The following CACNA1A variants were observed in gnomAD, a reference collection of about 807,000 sequenced individuals.
CACNA1A encodes the protein voltage-dependent P/Q-type calcium channel subunit alpha-1A.
Under a neutral mutation model 262.4 loss-of-function variants are expected in CACNA1A, and 57 were observed. The ratio of observed to expected loss-of-function variants is 0.22; its 90% confidence interval spans 0.18 to 0.27. CACNA1A has a LOEUF of 0.27. Among genes scored for constraint, CACNA1A ranks in the 10% least tolerant of loss-of-function variants. The probability of loss-of-function intolerance (pLI) is 1.00; values close to 1 mark genes in which losing one functional copy is unlikely to be tolerated. For missense variants in CACNA1A, 2,526 were observed against 3,562.8 expected (o/e 0.71, Z 7.41); for synonymous variants, 1,431 against 1,419.3 (o/e 1.01, Z -0.18).
chr19:13,316,350 C>T (rs1356772114), intron 11 of CACNA1A: 5 of 152,196 alleles, frequency 3.3e-5, no homozygotes, highest in Non-Finnish European at 7.3e-5. Context: ...CTCACCCTCA[C>T]TTGGCCCTCA....
chr19:13,326,277 T>C (rs1436991720), intron 10 of CACNA1A, among the ~76,000 whole-genome samples: 1 of 150,452 alleles, frequency 6.6e-6, no homozygotes, highest in Non-Finnish European at 1.5e-5. Flanking sequence ...ATCGCACCAC[T>C]GCACTCCCAC....
intron 29 of CACNA1A, among the ~76,000 whole-genome samples, chr19:13,254,614 G>T (rs1335500893): frequency 6.6e-6 from 1 of 151,962 alleles, no homozygotes; most frequent in African/African-American, 2.4e-5. Flanking sequence ...CGCCCGCCTC[G>T]GCCTCCCAAA....
chr19:13,207,436 A>C lies in CACNA1A; in HGVS notation c.7398T>G (p.Ser2466=). ...CGTTGGGGAGTCGCCGGCCGTGCCG[A>C]GAAGGCGAGGCGCAGGCCGGGCCCG... is the stretch of plus-strand genomic sequence containing the variant. ...RASGPACASP[S]RHGRRLPNGY... The change falls in exon 47 of 47, where the codon TCT becomes TCG. Residue 2466 remains serine, a synonymous_variant. Coordinates refer to ENST00000360228, the MANE Select transcript of CACNA1A (RefSeq NM_001127222.2). This position sits in a 1 kb window ranked among gnomAD's most constrained non-coding sequence, Gnocchi z 5.7. 1.3e-6 allele frequency: 2 copies of C among 1,519,756 alleles called. No homozygotes were observed. Among genetic ancestry groups the C allele is most frequent in the East Asian group, 5.1e-5 (2 of 39,168 alleles). The allele number at this position is 1,519,756 out of a possible 1,614,324, so 94.1% of individuals were successfully genotyped here. A position where few individuals can be genotyped will look rare whatever the true frequency, so the allele number is the denominator to read the frequency against.
At chr19:13,376,790 CAT>C (rs900115992) in intron 3 of CACNA1A, among the ~76,000 whole-genome samples, 5 of 107,106 alleles carry the variant, frequency 4.7e-5, no homozygotes, top group East Asian at 4.4e-4. Context: ...ATATATGTGA[CAT>C]ATATACACAT....
chr19:13,295,884 G>A (rs1047937166), intron 19 of CACNA1A, among the ~76,000 whole-genome samples: 1 of 152,112 alleles, frequency 6.6e-6, no homozygotes, highest in African/African-American at 2.4e-5. Context: ...TTCCTGCAAT[G>A]CAACTATTAA....
chr19:13,230,251 C>G (rs1340664483), intron 35 of CACNA1A, 42 bp from the exon 36 acceptor site: 8 of 1,609,712 alleles, frequency 5.0e-6, no homozygotes, highest in Non-Finnish European at 8.5e-7. Context: ...GGGGCAGAGA[C>G]CGAGGGAATG....
At position 13,207,340 on chromosome 19, in the gene CACNA1A, G is replaced by A; in HGVS notation, c.7494C>T (p.Tyr2498=). ...PGSRKGLHEP[Y]SESDDDWC ...AGCACCAATCATCGTCACTCTCGCT[G>A]TAGGGTTCGTGCAGGCCCTTCCTGG... Residue 2498 remains tyrosine, a synonymous_variant, in exon 47 of 47, where the codon TAC becomes TAT. Coordinates refer to ENST00000360228, the MANE Select transcript of CACNA1A (RefSeq NM_001127222.2). This position sits in a 1 kb window ranked among gnomAD's most constrained non-coding sequence, Gnocchi z 5.7. 1 of 1,561,334 alleles carries A rather than the reference G, an allele frequency of 6.4e-7. No homozygotes were observed. The highest frequency in any genetic ancestry group is 1.2e-5 in the South Asian group (1 of 86,824).
rs375415852 is a variant in CACNA1A at position 13,285,153 on chromosome 19, C to T, written c.3607G>A (p.Glu1203Lys). Residue 1203 changes from glutamate to lysine, a missense_variant, in exon 21 of 47, where the codon GAG (glutamate) becomes AAG (lysine). Physicochemically the swap from Glu to Lys is moderately conservative, Grantham distance 56. This residue lies in a region of CACNA1A where 765 missense variants were observed against 748.6 expected (regional missense o/e 1.02). Transcript: ENST00000360228. ...TCCCCACGGTCGTCTTCCTCCTCCT[C>T]CTTCTTCTCTTCCTCTTTTTTTGGC... is the stretch of plus-strand genomic sequence containing the variant. ...PLPKKEEEKKEEEEDDRGEDG... is the reference protein window; with the variant it reads ...PLPKKEEEKKKEEEDDRGEDG... The T allele has an allele frequency of 1.1e-5, 17 of 1,613,836 alleles. No homozygotes were observed. The Admixed American group carries it at 2.7e-4, about 25-fold the overall frequency.
At position 13,298,689 on chromosome 19, in the gene CACNA1A, C is replaced by T. The variant is rs1367737519; in HGVS notation, c.2944G>A (p.Gly982Ser). The T allele has an allele frequency of 4.1e-5, 59 of 1,455,410 alleles. No individual in the cohort carries two copies. The highest frequency in any genetic ancestry group is 5.2e-5 in the Non-Finnish European group (58 of 1,108,594). The allele number at this position is 1,455,410 out of a possible 1,614,324, so 90.2% of individuals were successfully genotyped here. A position where few individuals can be genotyped will look rare whatever the true frequency, so the allele number is the denominator to read the frequency against. Residue 982 changes from glycine (G) to serine (S), a missense_variant, in exon 19 of 47, where the codon GGC becomes AGC. Physicochemically the swap from Gly to Ser is moderately conservative, Grantham distance 56. Transcript: ENST00000360228. ...TCGCCGCCCCGGGCCGGCCGGCTGCCCTCGCGGTGCCGCGCCCTCCGCTCC... is the reference window on the plus strand; with the variant it reads ...TCGCCGCCCCGGGCCGGCCGGCTGCTCTCGCGGTGCCGCGCCCTCCGCTCC... ...KAERRARHREGSRPARGGEGE... is the reference protein window; with the variant it reads ...KAERRARHRESSRPARGGEGE...
chr19:13,230,851 T>C (rs1394361716), intron 35 of CACNA1A, among the ~76,000 whole-genome samples: 1 of 148,912 alleles, frequency 6.7e-6, no homozygotes, highest in Non-Finnish European at 1.5e-5. Context: ...CCAAGAATGA[T>C]GGAAAGAAAC....
At position 13,208,840 on chromosome 19, in the gene CACNA1A, C is replaced by T. The variant is rs1392174465; in HGVS notation, c.6696G>A (p.Arg2232=). Residue 2232 remains arginine (R), a synonymous_variant, in exon 46 of 47, where the codon CGG becomes CGA. Coordinates refer to ENST00000360228, the MANE Select transcript of CACNA1A (RefSeq NM_001127222.2). ...GAGCCCGTGCCCGGCCGTGGTCCGG[C>T]CGTTCCTGGGCATAGCGGTCCTTGT... ...PPDKDRYAQE[R]PDHGRARARD... 1.3e-6 allele frequency: 2 copies of T among 1,538,982 alleles called. No homozygotes were observed. The highest frequency in any genetic ancestry group is 1.7e-6 in the Non-Finnish European group (2 of 1,148,910).
At chr19:13,406,349 G>A (rs1251934975) in intron 3 of CACNA1A, among the ~76,000 whole-genome samples, 1 of 150,158 alleles carries the variant, frequency 6.7e-6, no homozygotes, top group Non-Finnish European at 1.5e-5. Flanking sequence ...CAGCTACTTG[G>A]GAGTCTGAGG....
intron 19 of CACNA1A, among the ~76,000 whole-genome samples, chr19:13,290,779 G>C (rs2057518365): frequency 6.6e-6 from 1 of 152,014 alleles, no homozygotes; most frequent in African/African-American, 2.4e-5. Flanking sequence ...ATTTCAGAGA[G>C]TGATATCCCT....
At chr19:13,260,491 G>C (rs2056707503) in intron 26 of CACNA1A, 1 of 151,800 alleles carries the variant, frequency 6.6e-6, no homozygotes, top group African/African-American at 2.4e-5. Context: ...TGGGACTACA[G>C]GCGTCTGCCA....
chr19:13,352,475 T>C (rs1048520588), intron 6 of CACNA1A, among the ~76,000 whole-genome samples: 5 of 151,532 alleles, frequency 3.3e-5, no homozygotes, highest in African/African-American at 1.2e-4. Context: ...ATTGAGAATA[T>C]CAAGATTCCC....
At position 13,452,935 on chromosome 19, in the gene CACNA1A, G is replaced by A. The variant is rs758934613; in HGVS notation, c.480C>T (p.His160=). 1 of 1,613,820 alleles carries A rather than the reference G, an allele frequency of 6.2e-7. No individual in the cohort carries two copies. The highest frequency in any genetic ancestry group is 1.3e-5 in the African/African-American group (1 of 75,036). Residue 160 remains histidine, a synonymous_variant, in exon 3 of 47, where the codon CAC becomes CAT. Coordinates refer to ENST00000360228, the MANE Select transcript of CACNA1A (RefSeq NM_001127222.2). The part of the protein sequence containing the change: ...IKIIALGFAF[H]KGSYLRNGWN... ...AGCCATTCCTCAAGTAGGAGCCTTT[G>A]TGGAAGGCAAACCCAAGGGCAATGA...
intron 3 of CACNA1A, among the ~76,000 whole-genome samples, chr19:13,393,434 G>A (rs1028629786): frequency 1.1e-4 from 16 of 152,122 alleles, no homozygotes; most frequent in African/African-American, 3.9e-4. Context: ...AAGTCAGGAT[G>A]GAGTTACTGG....
At chr19:13,277,257 G>A in intron 22 of CACNA1A, 129 bp from the exon 23 acceptor site, 1 of 636,098 alleles carries the variant, frequency 1.6e-6, no homozygotes, top group Non-Finnish European at 2.8e-6. Context: ...GCTATATACA[G>A]TTGCGCAGGG....
Position 13,506,434 on chromosome 19 carries a change from G to A in CACNA1A, c.-210C>T, listed in dbSNP as rs944393382. The A allele has an allele frequency of 2.6e-6, 1 of 384,038 alleles. No individual in the cohort carries two copies. Among genetic ancestry groups the A allele is most frequent in the Non-Finnish European group, 4.6e-6 (1 of 219,582 alleles). The allele number at this position is 384,038 out of a possible 1,614,324, so 23.8% of individuals were successfully genotyped here. A position where few individuals can be genotyped will look rare whatever the true frequency, so the allele number is the denominator to read the frequency against. Reference sequence around the variant, plus strand: ...GGCTCAGAAGGCGGCTGCCCGGGCCGAGCCGGGGATAGCAGCTCGGGACAT... The same window carrying A: ...GGCTCAGAAGGCGGCTGCCCGGGCCAAGCCGGGGATAGCAGCTCGGGACAT... On this transcript the variant is annotated 5_prime_UTR_variant, in exon 1 of 47. Coordinates refer to ENST00000360228, the MANE Select transcript of CACNA1A (RefSeq NM_001127222.2).
Sources: allele counts gnomAD v4.1 joint callset (sites outside exome capture counted in the v4.1 genomes callset), GRCh38; gene constraint gnomAD v4.1.1; regional missense constraint gnomAD v4.1.1; non-coding constraint Gnocchi (gnomAD v3.1); transcripts MANE v1.5; gene names NCBI Gene and HGNC (gene_info 2026-07-23, HGNC 2026-07-21).